Variants in SSBP2 observed in about 807,000 individuals in gnomAD.
SSBP2 encodes single-stranded DNA-binding protein 2.
SSBP2 carries 17 observed loss-of-function variants against 61.8 expected under a neutral mutation model. The ratio of observed to expected loss-of-function variants is 0.28; its 90% CI spans 0.19 to 0.41. SSBP2 has a LOEUF of 0.41. Among genes scored for constraint, SSBP2 ranks in the 10% least tolerant of loss-of-function variants. The pLI is 1.00. For synonymous variants in SSBP2, 139 were observed against 141.3 expected, an observed-to-expected ratio of 0.98 and a Z score of 0.12; for missense variants, 310 against 458.7, an observed-to-expected ratio of 0.68 and a Z score of 2.96.
chr5:81,493,752 T>C (rs904692904), intron 5 of SSBP2, among the ~76,000 whole-genome samples: 5 of 146,360 alleles, frequency 3.4e-5, no homozygotes, highest in Admixed American at 6.8e-5. Context: ...TGAGACTCCA[T>C]CTCAAAAAAA....
intron 4 of SSBP2, among the ~76,000 whole-genome samples, chr5:81,597,195 T>C (rs143225201): frequency 0.011 from 1,674 of 152,160 alleles, 41 homozygotes; most frequent in African/African-American, 0.038. Flanking sequence ...AAAAAGTGGG[T>C]GAAGGATATG....
At chr5:81,739,797 T>C (rs2154016798) in intron 1 of SSBP2, among the ~76,000 whole-genome samples, 1 of 152,356 alleles carries the variant, frequency 6.6e-6, no homozygotes, top group South Asian at 2.1e-4. Flanking sequence ...TAAGAAGCCC[T>C]ACTTTCTTAC....
intron 6 of SSBP2, among the ~76,000 whole-genome samples, chr5:81,476,683 A>C (rs566911434): frequency 6.6e-6 from 1 of 152,180 alleles, no homozygotes; most frequent in Non-Finnish European, 1.5e-5. Flanking sequence ...GATTACTTTT[A>C]GTATAAGAGC....
chr5:81,740,581 C>A (rs1756948015), intron 1 of SSBP2, among the ~76,000 whole-genome samples: 1 of 152,124 alleles, frequency 6.6e-6, no homozygotes, highest in Non-Finnish European at 1.5e-5. Context: ...CCAAAAAAAG[C>A]CCAATAGGCC....
chr5:81,451,532 T>A, intron 10 of SSBP2, among the ~76,000 whole-genome samples: 1 of 152,320 alleles, frequency 6.6e-6, no homozygotes, highest in East Asian at 1.9e-4. Flanking sequence ...GTTCAAGCGA[T>A]TGTCCTGCCT....
intron 10 of SSBP2, among the ~76,000 whole-genome samples, chr5:81,460,326 G>T (rs1435280753): frequency 6.6e-5 from 10 of 152,188 alleles, no homozygotes. Flanking sequence ...ACAGTACACA[G>T]ATGTACATGG....
chr5:81,654,043 T>C (rs1341351308), intron 1 of SSBP2, among the ~76,000 whole-genome samples: 1 of 151,480 alleles, frequency 6.6e-6, no homozygotes, highest in East Asian at 1.9e-4. Flanking sequence ...CTGGCTGGAG[T>C]GCAGTGGTGT....
rs1018988158 is a variant in SSBP2 at position 81,490,725 on chromosome 5, T to C, written c.373-1416A>G. 4.6e-5 allele frequency among the ~76,000 whole-genome samples: 7 copies of C among 152,176 alleles called. No homozygotes were observed. In the East Asian group the frequency reaches 1.3e-3, roughly 29 times the overall value. ...AATGCTGTATAGATTTTTCCTGTAG[T>C]ATCTTTTGCAGAGTCTGACAAACCA... On this transcript the variant is annotated intron_variant, in intron 5 of 16. Coordinates refer to ENST00000320672, the MANE Select transcript of SSBP2 (RefSeq NM_012446.5).
chr5:81,436,767 A>G (rs1580678514), intron 15 of SSBP2, among the ~76,000 whole-genome samples: 2 of 152,154 alleles, frequency 1.3e-5, no homozygotes, highest in East Asian at 3.8e-4. Flanking sequence ...TTTTAAATTC[A>G]TCATGACCTA....
At chr5:81,681,002 A>C (rs762861961) in intron 1 of SSBP2, among the ~76,000 whole-genome samples, 13 of 152,184 alleles carry the variant, frequency 8.5e-5, no homozygotes, top group Non-Finnish European at 1.5e-4. Flanking sequence ...ACATTCACTA[A>C]GACAAACCAC....
chr5:81,573,950 C>T (rs1350078814), intron 4 of SSBP2, among the ~76,000 whole-genome samples: 1 of 152,052 alleles, frequency 6.6e-6, no homozygotes, highest in Non-Finnish European at 1.5e-5. Context: ...ACCATCCTGG[C>T]TAACATGGTG....
At chr5:81,704,544 T>TTA (rs1754223685) in intron 1 of SSBP2, among the ~76,000 whole-genome samples, 1 of 152,156 alleles carries the variant, frequency 6.6e-6, no homozygotes. Context: ...CGGCCTGTAA[T>TTA]CCCAGCACTT....
chr5:81,701,715 A>G (rs528036401), intron 1 of SSBP2, among the ~76,000 whole-genome samples: 3 of 152,302 alleles, frequency 2.0e-5, no homozygotes, highest in Admixed American at 6.5e-5. Flanking sequence ...CACTAAAGGA[A>G]TAGACATCTT....
chr5:81,423,057 T>G (rs1378825539), intron 16 of SSBP2, among the ~76,000 whole-genome samples: 1 of 152,192 alleles, frequency 6.6e-6, no homozygotes, highest in East Asian at 1.9e-4. Context: ...AGAAAATAAG[T>G]GGTTAGCAAG....
At chr5:81,479,917 G>C (rs1426729575) in intron 6 of SSBP2, among the ~76,000 whole-genome samples, 2 of 152,068 alleles carry the variant, frequency 1.3e-5, no homozygotes, top group Non-Finnish European at 2.9e-5. Context: ...TCTAATGTTA[G>C]AACATTGCCC....
At chr5:81,529,665 TGTAAA>T (rs899510321) in intron 4 of SSBP2, among the ~76,000 whole-genome samples, 2 of 151,988 alleles carry the variant, frequency 1.3e-5, no homozygotes, top group African/African-American at 4.8e-5. Context: ...GTTAAAGTGA[TGTAAA>T]GGAATAAAAA....
At chr5:81,445,149 T>TATATATAC (rs1763309839) in intron 12 of SSBP2, among the ~76,000 whole-genome samples, 1 of 72,138 alleles carries the variant, frequency 1.4e-5, no homozygotes, top group Non-Finnish European at 2.7e-5. Flanking sequence ...TATATATATA[T>TATATATAC]ATATATATAT....
At chr5:81,672,822 C>T (rs1224725990) in intron 1 of SSBP2, among the ~76,000 whole-genome samples, 1 of 151,958 alleles carries the variant, frequency 6.6e-6, no homozygotes, top group Non-Finnish European at 1.5e-5. Flanking sequence ...GATCTGCCTG[C>T]CTTGGCCTCC....
At chr5:81,598,993 T>C (rs1488015758) in intron 4 of SSBP2, among the ~76,000 whole-genome samples, 2 of 152,226 alleles carry the variant, frequency 1.3e-5, no homozygotes, top group South Asian at 2.1e-4. Context: ...TATTCTTTAG[T>C]GCAGTATGAA....
Sources: gnomAD v4.1 joint callset for allele counts (sites outside exome capture counted in the v4.1 genomes callset) on GRCh38, gnomAD v4.1.1 for gene constraint, MANE v1.5 for transcripts, NCBI Gene and HGNC (gene_info 2026-07-23, HGNC 2026-07-21) for gene names.